DENND4A: variants seen among roughly 807,000 people sequenced by gnomAD.
The protein encoded by DENND4A is DENN domain containing 4A.
A neutral mutation model predicts 199.3 loss-of-function variants in DENND4A; 70 were observed. The ratio of observed to expected loss-of-function variants is 0.35; its 90% confidence interval spans 0.29 to 0.43. DENND4A has a LOEUF of 0.43. Among genes scored for constraint, DENND4A ranks in the 20% least tolerant of loss-of-function variants. The pLI is 1.00. For synonymous variants in DENND4A, 686 were observed against 766.9 expected, an observed-to-expected ratio of 0.89 and a Z score of 1.74; for missense variants, 1,723 against 2,255.8, an observed-to-expected ratio of 0.76 and a Z score of 4.78.
chr15:65,669,991 T>C (rs1216680721), intron 26 of DENND4A, 22 bp downstream of exon 26: 1 of 1,589,764 alleles, frequency 6.3e-7, no homozygotes, highest in African/African-American at 1.4e-5. Flanking sequence ...TCCTTAAACA[T>C]GAAGGAAAAA....
Position 65,679,833 on chromosome 15 carries a change from T to C in DENND4A, c.4180-3199A>G, listed in dbSNP as rs948073470. ...CCCTTTAGAGTGCCTGGATGGGTAA[T>C]TGGAAGAGAATGTACAGGGCGACCA... On this transcript the variant is annotated intron_variant, in intron 23 of 32. Transcript: ENST00000443035. 8.5e-5 allele frequency among the ~76,000 whole-genome samples: 13 copies of C among 152,186 alleles called. No individual in the cohort carries two copies. The East Asian group carries it at 9.7e-4, about 11-fold the overall frequency.
Position 65,703,008 on chromosome 15 carries a change from G to A in DENND4A, c.2088C>T (p.Ser696=). 1.9e-6 allele frequency: 3 copies of A among 1,610,312 alleles called. No homozygotes were observed. Among genetic ancestry groups the A allele is most frequent in the South Asian group, 1.1e-5 (1 of 90,796 alleles). ...TCCTAAGAACTGGAAATCCATTATAGCTGTTTTAGAAAAAACAAAACAAAA... is the reference window on the plus strand; with the variant it reads ...TCCTAAGAACTGGAAATCCATTATAACTGTTTTAGAAAAAACAAAACAAAA... ...PNGEEPPLQY[S]YNGFPVLRNN... is the part of the protein sequence containing the mutation. Residue 696 remains serine, a splice_region_variant and synonymous_variant, in exon 16 of 33, where the codon AGC becomes AGT. Transcript: ENST00000443035.
At chr15:65,782,734 A>G (rs1567108737) in intron 1 of DENND4A, among the ~76,000 whole-genome samples, 1 of 152,226 alleles carries the variant, frequency 6.6e-6, no homozygotes, top group Non-Finnish European at 1.5e-5. Flanking sequence ...TAGCTAAAAC[A>G]TACAAAGTTA....
In DENND4A at chr15:65,661,952, G is replaced by A. The variant is rs2075855341; in HGVS notation, c.5623C>T (p.Arg1875Cys). 8.7e-6 allele frequency: 14 copies of A among 1,612,908 alleles called. No individual in the cohort carries two copies. Among genetic ancestry groups the A allele is most frequent in the Non-Finnish European group, 1.2e-5 (14 of 1,179,320 alleles). Residue 1875 changes from arginine to cysteine, a missense_variant, in exon 33 of 33, where the codon CGT becomes TGT. Arg to Cys is a radical substitution (Grantham distance 180, BLOSUM62 -3). This residue lies in a region of DENND4A where 164 missense variants were observed against 280.1 expected (regional missense o/e 0.59). Transcript: ENST00000443035. ...CTCTTGACTTGACTAGGTGTGAGAC[G>A]ATCGTATGCCATCTTGTACTCTTTA... is the stretch of plus-strand genomic sequence containing the variant. ...FDKEYKMAYD[R>C]LTPSQVKSTH...
intron 28 of DENND4A, 68 bp downstream of exon 28, chr15:65,667,857 A>G (rs6494531): frequency 0.47 from 724,984 of 1,541,820 alleles, 179,590 homozygotes; most frequent in African/African-American, 0.83. Flanking sequence ...AGACTACTTA[A>G]GACAAGGGGA....
intron 17 of DENND4A, 72 bp downstream of exon 17, chr15:65,702,233 C>G: frequency 8.0e-7 from 1 of 1,243,968 alleles, no homozygotes; most frequent in Non-Finnish European, 1.1e-6. Flanking sequence ...TGCATCACTG[C>G]ACTCCAGCCT....
chr15:65,747,032 G>C (rs2076420498), intron 4 of DENND4A, among the ~76,000 whole-genome samples: 1 of 151,702 alleles, frequency 6.6e-6, no homozygotes, highest in Admixed American at 6.6e-5. Flanking sequence ...CTTGAACCCA[G>C]GAGGTGGAGG....
At chr15:65,735,082 C>G (rs1306192425) in intron 7 of DENND4A, among the ~76,000 whole-genome samples, 3 of 151,664 alleles carry the variant, frequency 2.0e-5, no homozygotes, top group Admixed American at 6.6e-5. Context: ...GACACTGATT[C>G]AAAAACAAAA....
chr15:65,755,992 G>A, intron 3 of DENND4A, 148 bp downstream of exon 3: 1 of 693,714 alleles, frequency 1.4e-6, no homozygotes, highest in Non-Finnish European at 2.3e-6. Flanking sequence ...AGGAAACAGG[G>A]AGAGAATACA....
intron 1 of DENND4A, among the ~76,000 whole-genome samples, chr15:65,775,811 G>A (rs1343468720): frequency 6.6e-6 from 1 of 152,046 alleles, no homozygotes; most frequent in African/African-American, 2.4e-5. Flanking sequence ...ACCATGTGAA[G>A]GACAGGTATG....
intron 18 of DENND4A, 102 bp downstream of exon 18, chr15:65,701,660 C>G (rs886279468): frequency 1.8e-6 from 2 of 1,083,238 alleles, no homozygotes; most frequent in Non-Finnish European, 2.7e-6. Flanking sequence ...TTTATATACT[C>G]TAAAATAAAT....
intron 23 of DENND4A, among the ~76,000 whole-genome samples, chr15:65,677,721 T>C (rs2076430204): frequency 1.3e-5 from 2 of 152,144 alleles, no homozygotes; most frequent in Non-Finnish European, 2.9e-5. Context: ...TACCAACACA[T>C]TTATTTAATA....
chr15:65,681,336 A>T (rs1320191373), intron 23 of DENND4A: 2 of 152,232 alleles, frequency 1.3e-5, no homozygotes, highest in Non-Finnish European at 2.9e-5. Context: ...GAATGCCATT[A>T]ATTGCATCTA....
chr15:65,667,679 G>A lies in DENND4A; in HGVS notation c.5011C>T (p.Leu1671Phe). The A allele has an allele frequency of 6.2e-7, 1 of 1,613,602 alleles. No individual in the cohort carries two copies. The highest frequency in any genetic ancestry group is 8.5e-7 in the Non-Finnish European group (1 of 1,179,804). Residue 1671 changes from leucine to phenylalanine, a missense_variant, in exon 29 of 33, where the codon CTT becomes TTT. By Grantham distance (22) the Leu-to-Phe change is conservative. This residue lies in a region of DENND4A where 141 missense variants were observed against 170.7 expected (regional missense o/e 0.83). Coordinates refer to ENST00000443035, the MANE Select transcript of DENND4A (RefSeq NM_001320835.1). ...ACAGTGACAGGATCGGGACTTGGAA[G>A]GTGCCATTCTAAACCTAAAGAATCC... The part of the protein sequence containing the change: ...ATDSLGLEWH[L>F]PSPDPVTVPY...
chr15:65,702,907 T>C lies in DENND4A; in HGVS notation c.2189A>G (p.Asn730Ser), dbSNP rs995672619. ...TCTTCTGAACATGGGCAAAGGGCTA[T>C]TAGGACTACTTGATTTTGAAGGCAA... ...NKLPSKSSSP[N>S]SPLPMFRRTK... The change falls in exon 16 of 33, where the codon AAT becomes AGT. Residue 730 changes from asparagine (N) to serine (S), a missense_variant. By Grantham distance (46) the Asn-to-Ser change is conservative. This residue lies in a region of DENND4A where 725 missense variants were observed against 952.9 expected (regional missense o/e 0.76). Transcript: ENST00000443035. 1 of 1,613,220 alleles carries C rather than the reference T, an allele frequency of 6.2e-7. No homozygotes were observed. The highest frequency in any genetic ancestry group is 8.5e-7 in the Non-Finnish European group (1 of 1,179,498).
At chr15:65,737,560 G>GA (rs1308479338) in intron 7 of DENND4A, 147 bp downstream of exon 7, 2 of 733,124 alleles carry the variant, frequency 2.7e-6, no homozygotes, top group African/African-American at 3.6e-5. Context: ...ATACAATGGA[G>GA]AAATACTACC....
intron 22 of DENND4A, among the ~76,000 whole-genome samples, chr15:65,692,913 C>G (rs922579286): frequency 6.6e-6 from 1 of 152,136 alleles, no homozygotes; most frequent in Non-Finnish European, 1.5e-5. Flanking sequence ...GGTTTGCAAA[C>G]TATACCAATG....
intron 23 of DENND4A, among the ~76,000 whole-genome samples, chr15:65,685,126 C>A (rs953987472): frequency 6.6e-6 from 1 of 151,558 alleles, no homozygotes; most frequent in African/African-American, 2.4e-5. Context: ...CACGCCCCGC[C>A]CACAATTTTT....
At chr15:65,701,644 A>C in intron 18 of DENND4A, 118 bp downstream of exon 18, 1 of 924,702 alleles carries the variant, frequency 1.1e-6, no homozygotes, top group Non-Finnish European at 1.6e-6. Context: ...GATTGACAAA[A>C]TGTATTTTAT....
Sources: gnomAD v4.1 joint callset for allele counts (sites outside exome capture counted in the v4.1 genomes callset) on GRCh38, gnomAD v4.1.1 for gene constraint, gnomAD v4.1.1 regional missense constraint, MANE v1.5 for transcripts, NCBI Gene and HGNC (gene_info 2026-07-23, HGNC 2026-07-21) for gene names.